CADM1: variants seen among roughly 807,000 people sequenced by gnomAD.
The protein encoded by CADM1 is TSLC-1.
In CADM1, 15 loss-of-function variants were observed where a neutral mutation model predicts 53.1. That is an observed-to-expected ratio of 0.28 (90% CI 0.19 to 0.44). CADM1 has a LOEUF of 0.44. Ranked by LOEUF, CADM1 falls within the 20% of genes least tolerant of loss-of-function variation. The pLI is 1.00. For synonymous variants in CADM1, 281 were observed against 243.0 expected (o/e 1.16, Z -1.45); for missense variants, 434 against 611.3 (o/e 0.71, Z 3.06).
At chr11:115,498,637 TCTC>T (rs1949671293) in intron 1 of CADM1, among the ~76,000 whole-genome samples, 1 of 152,156 alleles carries the variant, frequency 6.6e-6, no homozygotes, top group African/African-American at 2.4e-5. Context: ...TAGGAGAAGG[TCTC>T]CTCAGTAGAA....
intron 1 of CADM1, among the ~76,000 whole-genome samples, chr11:115,413,848 T>A (rs1421182267): frequency 6.6e-6 from 1 of 152,092 alleles, no homozygotes; most frequent in Non-Finnish European, 1.5e-5. Context: ...TTTCACCATG[T>A]TGGCCAGGCT....
In CADM1 at chr11:115,209,676, GA is replaced by G; in HGVS notation, c.995-20del. The G allele has an allele frequency of 6.2e-7, 1 of 1,612,334 alleles. No homozygotes were observed. The highest frequency in any genetic ancestry group is 8.5e-7 in the Non-Finnish European group (1 of 1,179,566). On this transcript the variant is annotated intron_variant, in intron 7 of 11. Transcript: ENST00000331581. ...GGGGGATCTGGATAGAAAAAAAAAG[GA>G]AAATCAAACCCACAATGCTGAACAC...
chr11:115,379,350 C>A (rs1051224706), intron 1 of CADM1, among the ~76,000 whole-genome samples: 4 of 152,154 alleles, frequency 2.6e-5, no homozygotes, highest in African/African-American at 9.7e-5. Context: ...ACAATACTGA[C>A]AATAAACTTA....
At chr11:115,210,115 T>C (rs1940890403) in intron 7 of CADM1, among the ~76,000 whole-genome samples, 2 of 152,250 alleles carry the variant, frequency 1.3e-5, no homozygotes, top group Admixed American at 1.3e-4. Context: ...ACTTGCTCTC[T>C]GTGACTGTTA....
At chr11:115,408,376 A>C (rs1947370159) in intron 1 of CADM1, among the ~76,000 whole-genome samples, 1 of 152,226 alleles carries the variant, frequency 6.6e-6, no homozygotes, top group African/African-American at 2.4e-5. Flanking sequence ...GTCCCTGATC[A>C]GTTTAAATCC....
chr11:115,295,535 TA>T (rs1167290893), intron 1 of CADM1, among the ~76,000 whole-genome samples: 12,234 of 104,002 alleles, frequency 0.12, 973 homozygotes, highest in Non-Finnish European at 0.13. Context: ...TATATATATA[TA>T]TATATATATA....
chr11:115,250,569 T>C (rs1370755279), intron 1 of CADM1, among the ~76,000 whole-genome samples: 1 of 152,214 alleles, frequency 6.6e-6, no homozygotes, highest in Non-Finnish European at 1.5e-5. Flanking sequence ...AAACAAATTA[T>C]TTATTTTCCA....
Position 115,346,721 on chromosome 11 carries a change from G to A in CADM1, c.125-106301C>T, listed in dbSNP as rs532191811. 5.3e-5 allele frequency among the ~76,000 whole-genome samples: 8 copies of A among 152,190 alleles called. No individual in the cohort carries two copies. In the East Asian group the frequency reaches 7.7e-4, roughly 15 times the overall value. ...GCCCGGATCAAGCCAAAGGGTCACCGGCTAACCTCTGGAGTCCCCCAGAAT... is the reference window on the plus strand; with the variant it reads ...GCCCGGATCAAGCCAAAGGGTCACCAGCTAACCTCTGGAGTCCCCCAGAAT... On this transcript the variant is annotated intron_variant, in intron 1 of 11. Transcript: ENST00000331581.
chr11:115,266,047 A>C (rs1482397107), intron 1 of CADM1, among the ~76,000 whole-genome samples: 1 of 152,190 alleles, frequency 6.6e-6, no homozygotes, highest in African/African-American at 2.4e-5. Context: ...TAAGCCTTCC[A>C]GATGATTCTG....
chr11:115,419,954 T>C (rs1002998098), intron 1 of CADM1, among the ~76,000 whole-genome samples: 24 of 152,212 alleles, frequency 1.6e-4, no homozygotes, highest in Middle Eastern at 3.2e-3. Context: ...AGTTCGAGCC[T>C]TCTCATGACC....
intron 8 of CADM1, 128 bp downstream of exon 8, chr11:115,209,446 T>C (rs570301421): frequency 1.3e-5 from 18 of 1,374,184 alleles, no homozygotes; most frequent in Non-Finnish European, 1.8e-5. Context: ...TCTAATGTCG[T>C]TGGAGTTCCA....
Position 115,173,948 on chromosome 11 carries a change from C to A in CADM1, c.*2526G>T. 1 of 969,066 alleles carries A rather than the reference C, an allele frequency of 1.0e-6. No homozygotes were observed. The highest frequency in any genetic ancestry group is 1.2e-6 in the Non-Finnish European group (1 of 815,122). 60.0% of individuals were successfully genotyped at this position (969,066 alleles called of 1,614,324 possible). A position where few individuals can be genotyped will look rare whatever the true frequency, so the allele number is the denominator to read the frequency against. ...TCTTCACTCTAAAAAAAGTGATCAA[C>A]CTGTACAAAGTAATACTCAACAATA... On this transcript the variant is annotated 3_prime_UTR_variant, in exon 12 of 12. Transcript: ENST00000331581.
intron 1 of CADM1, among the ~76,000 whole-genome samples, chr11:115,458,295 C>A (rs1948721713): frequency 6.6e-6 from 1 of 152,210 alleles, no homozygotes; most frequent in South Asian, 2.1e-4. Context: ...CAACTGAGAT[C>A]ATCACATCCC....
At chr11:115,275,895 T>C (rs1031493388) in intron 1 of CADM1, among the ~76,000 whole-genome samples, 1 of 152,228 alleles carries the variant, frequency 6.6e-6, no homozygotes, top group Non-Finnish European at 1.5e-5. Context: ...ATTTTCAATT[T>C]ACTAGTCTTT....
At chr11:115,430,206 T>C (rs1045004933) in intron 1 of CADM1, among the ~76,000 whole-genome samples, 3 of 152,232 alleles carry the variant, frequency 2.0e-5, no homozygotes, top group Non-Finnish European at 4.4e-5. Context: ...TAAGGCTCTA[T>C]AGCTTCCACA....
intron 1 of CADM1, among the ~76,000 whole-genome samples, chr11:115,413,732 C>T (rs1056458134): frequency 1.3e-5 from 2 of 151,118 alleles, no homozygotes; most frequent in African/African-American, 4.9e-5. Flanking sequence ...GCAACCTCTG[C>T]TTCCAGGGTT....
At chr11:115,245,898 C>T (rs1320443390) in intron 1 of CADM1, among the ~76,000 whole-genome samples, 1 of 152,130 alleles carries the variant, frequency 6.6e-6, no homozygotes, top group Non-Finnish European at 1.5e-5. Context: ...CCTGCATTTA[C>T]AGAGTTTTAT....
At chr11:115,250,505 T>C (rs1314845707) in intron 1 of CADM1, among the ~76,000 whole-genome samples, 2 of 152,084 alleles carry the variant, frequency 1.3e-5, no homozygotes, top group Admixed American at 6.6e-5. Context: ...AATTACTACA[T>C]AAAGAGAAGA....
chr11:115,237,551 A>C (rs1942054359), intron 3 of CADM1, among the ~76,000 whole-genome samples: 1 of 152,220 alleles, frequency 6.6e-6, no homozygotes, highest in South Asian at 2.1e-4. Context: ...CTTCATATTT[A>C]TCTTTCCTCT....
Sources: gnomAD v4.1 joint callset for allele counts (sites outside exome capture counted in the v4.1 genomes callset) on GRCh38, gnomAD v4.1.1 for gene constraint, MANE v1.5 for transcripts, NCBI Gene and HGNC (gene_info 2026-07-23, HGNC 2026-07-21) for gene names.